Variants in DOCK2 observed in about 807,000 individuals in gnomAD.
The protein encoded by DOCK2 is dedicator of cytokinesis protein 2.
A neutral mutation model predicts 248.9 loss-of-function variants in DOCK2; 87 were observed. The observed-to-expected ratio is 0.35, with a 90% CI of 0.29 to 0.42. The LOEUF (loss-of-function observed/expected upper bound fraction) is 0.42, where lower values mean the gene tolerates loss of function less well. Among genes scored for constraint, DOCK2 ranks in the 10% least tolerant of loss-of-function variants. The pLI is 1.00. For synonymous variants in DOCK2, 805 were observed against 821.6 expected (o/e 0.98, Z 0.35); for missense variants, 1,747 against 2,300.2 (o/e 0.76, Z 4.92).
intron 34 of DOCK2, among the ~76,000 whole-genome samples, chr5:170,029,454 C>T (rs894940556): frequency 6.6e-6 from 1 of 152,198 alleles, no homozygotes; most frequent in Non-Finnish European, 1.5e-5. Context: ...AGCTGCAAGA[C>T]TTCACACAAA....
chr5:169,666,865 G>T (rs1024700536), intron 2 of DOCK2, among the ~76,000 whole-genome samples: 1 of 152,236 alleles, frequency 6.6e-6, no homozygotes. Context: ...ATCCCTGGAA[G>T]CATGTAGCCC....
At chr5:169,799,906 C>G (rs1766865203) in intron 25 of DOCK2, among the ~76,000 whole-genome samples, 1 of 151,976 alleles carries the variant, frequency 6.6e-6, no homozygotes, top group African/African-American at 2.4e-5. Flanking sequence ...TTCCTGGGCT[C>G]TGATCTTCTC....
chr5:169,713,531 T>C (rs1013676218), intron 17 of DOCK2, among the ~76,000 whole-genome samples: 2 of 152,018 alleles, frequency 1.3e-5, no homozygotes, highest in Non-Finnish European at 2.9e-5. Flanking sequence ...GGATGATGAT[T>C]GTCTTCAGTT....
chr5:169,965,646 G>C (rs1490544199), intron 27 of DOCK2, among the ~76,000 whole-genome samples: 2 of 152,106 alleles, frequency 1.3e-5, no homozygotes, highest in African/African-American at 4.8e-5. Context: ...GCAGAGTTTA[G>C]GAACCATGGC....
intron 27 of DOCK2, among the ~76,000 whole-genome samples, chr5:169,888,000 CAT>C (rs970911152): frequency 3.3e-4 from 50 of 152,218 alleles, no homozygotes; most frequent in African/African-American, 1.1e-3. Context: ...CATTTTTTCA[CAT>C]GTTTATTGGT....
At chr5:169,702,101 TC>T (rs1761002616) in intron 13 of DOCK2, 1 of 441,568 alleles carries the variant, frequency 2.3e-6, no homozygotes, top group African/African-American at 2.0e-5. Flanking sequence ...GCAACTGATT[TC>T]CTAGCATCCC....
intron 48 of DOCK2, among the ~76,000 whole-genome samples, chr5:170,078,068 A>C (rs1418418935): frequency 6.6e-6 from 1 of 152,188 alleles, no homozygotes; most frequent in Non-Finnish European, 1.5e-5. Flanking sequence ...CTGAGGACCC[A>C]GCAGGAGTCA....
intron 27 of DOCK2, among the ~76,000 whole-genome samples, chr5:169,860,696 C>A (rs1771145863): frequency 6.6e-6 from 1 of 152,150 alleles, no homozygotes; most frequent in South Asian, 2.1e-4. Context: ...AAAAGGAATA[C>A]TGAATCACAT....
intron 2 of DOCK2, among the ~76,000 whole-genome samples, chr5:169,666,516 T>G (rs776202190): frequency 5.3e-5 from 8 of 152,242 alleles, no homozygotes; most frequent in Non-Finnish European, 1.0e-4. Flanking sequence ...CTGCTTTTGA[T>G]CATGGTGTCC....
At chr5:169,792,995 C>T (rs9313473) in intron 25 of DOCK2, among the ~76,000 whole-genome samples, 15,302 of 152,158 alleles carry the variant, frequency 0.1, 1,237 homozygotes, top group East Asian at 0.34. Context: ...GTGCAAGTAC[C>T]TTTCAGAACA....
At chr5:169,643,294 G>A (rs949943519) in intron 1 of DOCK2, among the ~76,000 whole-genome samples, 5 of 152,068 alleles carry the variant, frequency 3.3e-5, no homozygotes, top group African/African-American at 9.7e-5. Flanking sequence ...AAGTATGACC[G>A]CCAATGTGGA....
chr5:169,745,403 T>G (rs1475422628), intron 22 of DOCK2, among the ~76,000 whole-genome samples: 1 of 152,210 alleles, frequency 6.6e-6, no homozygotes, highest in Non-Finnish European at 1.5e-5. Context: ...TAACATCTGC[T>G]GGGGCCAGGC....
intron 26 of DOCK2, among the ~76,000 whole-genome samples, chr5:169,805,138 G>T (rs1270029191): frequency 6.6e-6 from 1 of 151,248 alleles, no homozygotes; most frequent in African/African-American, 2.4e-5. Flanking sequence ...CAGCATTTTG[G>T]GTAGCCCAGG....
intron 36 of DOCK2, among the ~76,000 whole-genome samples, chr5:170,038,705 C>T (rs1242649315): frequency 6.6e-6 from 1 of 152,144 alleles, no homozygotes; most frequent in East Asian, 1.9e-4. Context: ...AGTTTGGTAT[C>T]CCTGGTTGAG....
chr5:169,659,095 T>C (rs1268797008), intron 2 of DOCK2, among the ~76,000 whole-genome samples: 1 of 151,428 alleles, frequency 6.6e-6, no homozygotes, highest in Non-Finnish European at 1.5e-5. Flanking sequence ...CAAGCAGTCC[T>C]CCTGCCTCAG....
intron 26 of DOCK2, among the ~76,000 whole-genome samples, chr5:169,817,205 A>C (rs1363452729): frequency 6.6e-6 from 1 of 152,172 alleles, no homozygotes; most frequent in Non-Finnish European, 1.5e-5. Context: ...TGCATTCTGA[A>C]AACTTTTGGC....
intron 14 of DOCK2, among the ~76,000 whole-genome samples, chr5:169,703,627 T>G (rs1347594287): frequency 6.6e-6 from 1 of 152,226 alleles, no homozygotes; most frequent in Non-Finnish European, 1.5e-5. Flanking sequence ...TGTAAAGAAA[T>G]CCTCACAATT....
intron 40 of DOCK2, among the ~76,000 whole-genome samples, chr5:170,048,097 A>C (rs772187390): frequency 3.9e-5 from 6 of 152,214 alleles, no homozygotes; most frequent in Non-Finnish European, 7.3e-5. Flanking sequence ...TTTATTTGAA[A>C]ATAACAATAA....
At chr5:169,988,150 G>A (rs58207725) in intron 29 of DOCK2, among the ~76,000 whole-genome samples, 4,731 of 152,148 alleles carry the variant, frequency 0.031, 249 homozygotes, top group African/African-American at 0.1. Flanking sequence ...GCTTTTTTCT[G>A]CTTGCAGGCA....
Sources: gnomAD v4.1 joint callset for allele counts (sites outside exome capture counted in the v4.1 genomes callset) on GRCh38, gnomAD v4.1.1 for gene constraint, MANE v1.5 for transcripts, NCBI Gene and HGNC (gene_info 2026-07-23, HGNC 2026-07-21) for gene names.